Variants in IQGAP1 observed in about 807,000 individuals in gnomAD.
IQGAP1 encodes the protein IQ motif containing GTPase activating protein 1.
Under a neutral mutation model 215.6 loss-of-function variants are expected in IQGAP1, and 66 were observed. The observed-to-expected ratio is 0.31, with a 90% CI of 0.25 to 0.38. The LOEUF is 0.38. Ranked by LOEUF, IQGAP1 falls within the 10% of genes least tolerant of loss-of-function variation. IQGAP1 has a pLI of 1.00. For missense variants in IQGAP1, 1,712 were observed against 1,997.1 expected, an observed-to-expected ratio of 0.86 and a Z score of 2.72; for synonymous variants, 772 against 728.7, an observed-to-expected ratio of 1.06 and a Z score of -0.96.
rs188123758 is a variant in IQGAP1, at chr15:90,501,126, G to A, written c.*1018G>A. 14 of 147,488 alleles carry A rather than the reference G, an allele frequency of 9.5e-5. No individual in the cohort carries two copies. The Admixed American group carries it at 9.6e-4, about 10-fold the overall frequency. The allele number at this position is 147,488 out of a possible 1,614,324, so 9.1% of individuals were successfully genotyped here. ...TATATCTGAACTCTTGAAACTTATA[G>A]CTAAAACACTAGGATTTATCTGCAG... On this transcript the variant is annotated 3_prime_UTR_variant, in exon 38 of 38. Coordinates refer to ENST00000268182, the MANE Select transcript of IQGAP1 (RefSeq NM_003870.4).
At chr15:90,452,138 A>T (rs1488874306) in intron 11 of IQGAP1, among the ~76,000 whole-genome samples, 1 of 152,132 alleles carries the variant, frequency 6.6e-6, no homozygotes, top group African/African-American at 2.4e-5. Flanking sequence ...AAGTTACTCC[A>T]GTTTTAAAGG....
intron 22 of IQGAP1, 110 bp from the exon 23 acceptor site, chr15:90,474,375 A>G: frequency 1.1e-6 from 1 of 920,254 alleles, no homozygotes; most frequent in Non-Finnish European, 1.8e-6. Flanking sequence ...GTCTTAGCAC[A>G]TCTCAAAATT....
chr15:90,448,519 C>G (rs1965555441), intron 9 of IQGAP1, 54 bp from the exon 10 acceptor site: 1 of 1,472,432 alleles, frequency 6.8e-7, no homozygotes, highest in Admixed American at 2.4e-5. Flanking sequence ...GAAAACTATT[C>G]TAGGCTCTTC....
At chr15:90,498,958 C>T (rs936108178) in intron 37 of IQGAP1, among the ~76,000 whole-genome samples, 1 of 152,162 alleles carries the variant, frequency 6.6e-6, no homozygotes, top group Non-Finnish European at 1.5e-5. Flanking sequence ...TATAGGCGTG[C>T]ACCACCACGC....
At chr15:90,450,330 C>CTTTTTTT (rs869037347) in intron 11 of IQGAP1, among the ~76,000 whole-genome samples, 7 of 54,426 alleles carry the variant, frequency 1.3e-4, no homozygotes, top group Non-Finnish European at 1.9e-4. Context: ...TATACACTAC[C>CTTTTTTT]TTTTTTTTTT....
chr15:90,489,495 A>C (rs1966174083), intron 33 of IQGAP1, among the ~76,000 whole-genome samples: 2 of 152,172 alleles, frequency 1.3e-5, no homozygotes, highest in African/African-American at 4.8e-5. Flanking sequence ...AATTTTAAGC[A>C]TGGTAATCTG....
At chr15:90,497,417 G>A in intron 37 of IQGAP1, 77 bp downstream of exon 37, 2 of 754,070 alleles carry the variant, frequency 2.7e-6, no homozygotes, top group Non-Finnish European at 4.7e-6. Context: ...ATAAAGAGGA[G>A]ACTCATCTGA....
Position 90,466,344 on chromosome 15 carries a change from C to T in IQGAP1, c.1943C>T (p.Ser648Phe). The T allele has an allele frequency of 6.2e-7, 1 of 1,614,110 alleles. No homozygotes were observed. The highest frequency in any genetic ancestry group is 1.3e-5 in the African/African-American group (1 of 75,028). ...GGCAAAACACTGAGTGCCCTTCGCT[C>T]CCCTGATGTTGGCTTGTATGGAGTC... ...DVGKTLSALRSPDVGLYGVIP... is the reference protein window; with the variant it reads ...DVGKTLSALRFPDVGLYGVIP... The change falls in exon 17 of 38, where the codon TCC (serine) becomes TTC (phenylalanine). Residue 648 changes from serine to phenylalanine, a missense_variant. By Grantham distance (155) the Ser-to-Phe change is radical. This residue lies in a region of IQGAP1 where 1,021 missense variants were observed against 1,074.2 expected (regional missense o/e 0.95). Coordinates refer to ENST00000268182, the MANE Select transcript of IQGAP1 (RefSeq NM_003870.4).
chr15:90,456,954 T>C (rs937120145), intron 15 of IQGAP1, among the ~76,000 whole-genome samples: 3 of 138,314 alleles, frequency 2.2e-5, no homozygotes, highest in Non-Finnish European at 4.5e-5. Flanking sequence ...ATATATAATA[T>C]ACGTATATAT....
intron 10 of IQGAP1, 107 bp downstream of exon 10, chr15:90,448,843 C>T (rs1174145499): frequency 8.1e-6 from 8 of 987,008 alleles, no homozygotes; most frequent in Non-Finnish European, 9.5e-6. Context: ...CCCAATACGA[C>T]TTTTTCCTCT....
At chr15:90,485,486 C>T (rs1966114286) in intron 30 of IQGAP1, among the ~76,000 whole-genome samples, 1 of 152,114 alleles carries the variant, frequency 6.6e-6, no homozygotes, top group African/African-American at 2.4e-5. Flanking sequence ...GTCACTCAGG[C>T]TGGAGTGCAA....
intron 2 of IQGAP1, among the ~76,000 whole-genome samples, chr15:90,423,542 T>C (rs1037720356): frequency 3.3e-5 from 5 of 152,150 alleles, no homozygotes; most frequent in Admixed American, 2.6e-4. Flanking sequence ...CTAGTCCTGA[T>C]TTATTTTATA....
chr15:90,445,951 G>T (rs1257606681), intron 9 of IQGAP1, among the ~76,000 whole-genome samples: 1 of 151,774 alleles, frequency 6.6e-6, no homozygotes, highest in Non-Finnish European at 1.5e-5. Flanking sequence ...TTCTGCCTCA[G>T]CCTCCTGAGT....
At chr15:90,452,625 A>G (rs1429410000) in intron 11 of IQGAP1, 150 bp from the exon 12 acceptor site, 1 of 768,872 alleles carries the variant, frequency 1.3e-6, no homozygotes, top group Non-Finnish European at 2.1e-6. Context: ...CTTCAGACAA[A>G]GGAGGCTGCT....
Position 90,448,746 on chromosome 15 carries a change from G to A in IQGAP1, c.1077+10G>A. 1 of 1,548,834 alleles carries A rather than the reference G, an allele frequency of 6.5e-7. No homozygotes were observed. The highest frequency in any genetic ancestry group is 8.7e-7 in the Non-Finnish European group (1 of 1,147,568). On this transcript the variant is annotated intron_variant, in intron 10 of 37. Transcript: ENST00000268182. ...ACAGCAGAAGAGACAGGTAAACATA[G>A]TCTGGATTGAAGCTGCAAGAGTTTG...
chr15:90,430,080 T>C (rs973487463), intron 4 of IQGAP1, among the ~76,000 whole-genome samples: 1 of 152,256 alleles, frequency 6.6e-6, no homozygotes. Context: ...GTAGGGAGTA[T>C]GAAGGGTCAT....
chr15:90,491,527 G>T lies in IQGAP1; in HGVS notation c.4443G>T (p.Leu1481=). 1 of 1,614,030 alleles carries T rather than the reference G, an allele frequency of 6.2e-7. No individual in the cohort carries two copies. The highest frequency in any genetic ancestry group is 1.1e-5 in the South Asian group (1 of 91,066). The change falls in exon 34 of 38, where the codon CTG becomes CTT. Residue 1481 remains leucine, a synonymous_variant. Coordinates refer to ENST00000268182, the MANE Select transcript of IQGAP1 (RefSeq NM_003870.4). ...ACCCAAAGAACAAATACCAGGAACT[G>T]ATCAACGACATTGCCAGGGTACTGC... ...TVDPKNKYQE[L]INDIARDIRN... is the part of the protein sequence containing the mutation.
chr15:90,394,188 GT>G (rs34483049), intron 2 of IQGAP1, among the ~76,000 whole-genome samples: 19,601 of 124,148 alleles, frequency 0.16, 1,686 homozygotes, highest in South Asian at 0.23. Context: ...TGATCTTCAG[GT>G]TTTTTTTTTT....
At chr15:90,420,445 A>G (rs573605724) in intron 2 of IQGAP1, among the ~76,000 whole-genome samples, 2 of 151,826 alleles carry the variant, frequency 1.3e-5, no homozygotes, top group East Asian at 3.9e-4. Context: ...CTTAGCAAAA[A>G]CCTTCTGACT....
Sources: gnomAD v4.1 joint callset for allele counts (sites outside exome capture counted in the v4.1 genomes callset) on GRCh38, gnomAD v4.1.1 for gene constraint, gnomAD v4.1.1 regional missense constraint, MANE v1.5 for transcripts, NCBI Gene and HGNC (gene_info 2026-07-23, HGNC 2026-07-21) for gene names.